The following CADPS2 variants were observed in gnomAD, a reference collection of about 807,000 sequenced individuals.
CADPS2 encodes the protein calcium-dependent secretion activator 2.
In CADPS2, 93 loss-of-function variants were observed where a neutral mutation model predicts 172.5. The ratio of observed to expected loss-of-function variants is 0.54; its 90% CI spans 0.46 to 0.64. The LOEUF (loss-of-function observed/expected upper bound fraction) is 0.64, where lower values mean the gene tolerates loss of function less well. Ranked by LOEUF, CADPS2 falls within the 30% of genes least tolerant of loss-of-function variation. The pLI is 0.00. For synonymous variants in CADPS2, 546 were observed against 555.2 expected, an observed-to-expected ratio of 0.98 and a Z score of 0.23; for missense variants, 1,420 against 1,565.9, an observed-to-expected ratio of 0.91 and a Z score of 1.57.
intron 20 of CADPS2, among the ~76,000 whole-genome samples, chr7:122,403,492 C>T (rs921835076): frequency 4.6e-5 from 7 of 151,904 alleles, no homozygotes; most frequent in South Asian, 2.1e-4. Flanking sequence ...TGACTGAGTA[C>T]GGTACAACAA....
At chr7:122,833,051 A>T (rs1262361278) in intron 1 of CADPS2, among the ~76,000 whole-genome samples, 1 of 152,212 alleles carries the variant, frequency 6.6e-6, no homozygotes, top group Non-Finnish European at 1.5e-5. Flanking sequence ...AGGGAGGAAA[A>T]AAGATAGATT....
At chr7:122,558,697 TAC>T (rs1368474722) in intron 7 of CADPS2, among the ~76,000 whole-genome samples, 1 of 152,166 alleles carries the variant, frequency 6.6e-6, no homozygotes, top group African/African-American at 2.4e-5. Context: ...AATACACATT[TAC>T]ACACAGAAAT....
chr7:122,645,681 A>ATATATATATATATATATCTC (rs796988558), intron 3 of CADPS2, among the ~76,000 whole-genome samples: 3 of 116,824 alleles, frequency 2.6e-5, no homozygotes, highest in Admixed American at 9.3e-5. Flanking sequence ...ATATATATAT[A>ATATATATATATATATATCTC]TCTTGGGATT....
At chr7:122,792,199 C>A (rs1795436045) in intron 1 of CADPS2, among the ~76,000 whole-genome samples, 1 of 152,176 alleles carries the variant, frequency 6.6e-6, no homozygotes, top group African/African-American at 2.4e-5. Flanking sequence ...TTTAAACTCC[C>A]TGCTATGGTC....
At chr7:122,382,052 C>T (rs2043080206) in intron 24 of CADPS2, among the ~76,000 whole-genome samples, 2 of 152,038 alleles carry the variant, frequency 1.3e-5, no homozygotes, top group Admixed American at 1.3e-4. Context: ...CCCGAGAATT[C>T]CCATTTTACA....
chr7:122,604,259 T>A (rs986439631), intron 6 of CADPS2, among the ~76,000 whole-genome samples: 1 of 152,274 alleles, frequency 6.6e-6, no homozygotes, highest in Middle Eastern at 3.4e-3. Context: ...TATATCACCA[T>A]TGTTATTCAC....
intron 2 of CADPS2, among the ~76,000 whole-genome samples, chr7:122,681,058 T>C (rs1299292247): frequency 8.3e-5 from 12 of 145,128 alleles, no homozygotes; most frequent in Admixed American, 2.9e-4. Flanking sequence ...ATATTCTCAC[T>C]CATAGGTGGG....
chr7:122,823,363 T>C (rs904811528), intron 1 of CADPS2, among the ~76,000 whole-genome samples: 6 of 152,328 alleles, frequency 3.9e-5, no homozygotes, highest in Non-Finnish European at 8.8e-5. Context: ...AGATATTTAG[T>C]GCATAATATG....
chr7:122,547,818 G>C (rs1026846576), intron 8 of CADPS2, among the ~76,000 whole-genome samples: 4 of 152,166 alleles, frequency 2.6e-5, no homozygotes, highest in Non-Finnish European at 4.4e-5. Flanking sequence ...GGCTGCTGTA[G>C]AGACAGCACC....
At chr7:122,343,305 A>G (rs1308647711) in intron 28 of CADPS2, among the ~76,000 whole-genome samples, 1 of 152,202 alleles carries the variant, frequency 6.6e-6, no homozygotes, top group African/African-American at 2.4e-5. Flanking sequence ...TTCACAACCA[A>G]AACAGAATGG....
chr7:122,356,843 T>C (rs1294872699), intron 27 of CADPS2, among the ~76,000 whole-genome samples: 4 of 152,134 alleles, frequency 2.6e-5, no homozygotes, highest in African/African-American at 9.7e-5. Flanking sequence ...TGTGAACATC[T>C]CCTTTCTGTT....
intron 18 of CADPS2, among the ~76,000 whole-genome samples, chr7:122,415,501 G>C (rs2047781947): frequency 1.3e-5 from 2 of 151,302 alleles, no homozygotes; most frequent in South Asian, 4.2e-4. Context: ...TCAATGAAAG[G>C]CAGGCAAACT....
intron 2 of CADPS2, among the ~76,000 whole-genome samples, chr7:122,713,094 T>TAAAG (rs1336845776): frequency 4.6e-5 from 7 of 152,228 alleles, no homozygotes; most frequent in Middle Eastern, 3.4e-3. Context: ...GGATATTTCA[T>TAAAG]ACAATGAAAA....
chr7:122,797,042 G>A (rs779067950), intron 1 of CADPS2, among the ~76,000 whole-genome samples: 12 of 151,184 alleles, frequency 7.9e-5, no homozygotes, highest in Admixed American at 2.0e-4. Context: ...GCAGGCAAAC[G>A]ACATAAATAG....
At chr7:122,692,622 C>G (rs933326240) in intron 2 of CADPS2, among the ~76,000 whole-genome samples, 2 of 152,218 alleles carry the variant, frequency 1.3e-5, no homozygotes, top group Non-Finnish European at 1.5e-5. Context: ...CAAGACCCCT[C>G]AGAACTGAAG....
At chr7:122,785,719 C>T (rs1468314479) in intron 1 of CADPS2, among the ~76,000 whole-genome samples, 2 of 152,072 alleles carry the variant, frequency 1.3e-5, no homozygotes, top group Non-Finnish European at 1.5e-5. Flanking sequence ...ATCCCTACCC[C>T]CAGGAATCTT....
chr7:122,665,971 T>C (rs2081151248), intron 2 of CADPS2, among the ~76,000 whole-genome samples: 1 of 152,218 alleles, frequency 6.6e-6, no homozygotes, highest in Non-Finnish European at 1.5e-5. Context: ...TTTAACAATA[T>C]GTTTTGTCTA....
In CADPS2 at chr7:122,438,377, T is replaced by G. The variant is rs765887418; in HGVS notation, c.2440A>C (p.Asn814His). 2.9e-5 allele frequency: 46 copies of G among 1,613,110 alleles called. No individual in the cohort carries two copies. The highest frequency in any genetic ancestry group is 3.6e-5 in the Non-Finnish European group (43 of 1,179,358). The change falls in exon 17 of 30, where the codon AAT becomes CAT. Residue 814 changes from asparagine (N) to histidine (H), a missense_variant. Coordinates refer to ENST00000449022, the MANE Select transcript of CADPS2 (RefSeq NM_017954.11). The stretch of plus-strand genomic sequence containing the variant: ...GCATATTCTGTGAGTCTAGTGTAAT[T>G]GATCAAGGCAGCTTTCTCGAGACAT... ...RKCLEKAALI[N>H]YTRLTEYAKI...
intron 1 of CADPS2, among the ~76,000 whole-genome samples, chr7:122,833,509 G>A (rs778754385): frequency 1.8e-4 from 28 of 151,690 alleles, no homozygotes; most frequent in African/African-American, 4.4e-4. Context: ...AAGTGCCCCC[G>A]TCCTCCCACC....
Sources: allele counts gnomAD v4.1 joint callset (sites outside exome capture counted in the v4.1 genomes callset), GRCh38; gene constraint gnomAD v4.1.1; transcripts MANE v1.5; gene names NCBI Gene and HGNC (gene_info 2026-07-23, HGNC 2026-07-21).